NDE1: variants seen among roughly 807,000 people sequenced by gnomAD.
NDE1 encodes the protein nuclear distribution protein nudE homolog 1.
In NDE1, 28 loss-of-function variants were observed where a neutral mutation model predicts 43.4. The ratio of observed to expected loss-of-function variants is 0.65; its 90% CI spans 0.48 to 0.89. The LOEUF (loss-of-function observed/expected upper bound fraction) is 0.89. Ranked by LOEUF, NDE1 falls within the 40% of genes least tolerant of loss-of-function variation. NDE1 has a pLI of 0.00. For synonymous variants in NDE1, 184 were observed against 172.0 expected, an observed-to-expected ratio of 1.07 and a Z score of -0.55; for missense variants, 441 against 434.1, an observed-to-expected ratio of 1.02 and a Z score of -0.14.
rs779987698 is a variant in NDE1, at chr16:15,677,866, G to C, written c.303G>C (p.Ala101=). ...RQISALEDDL[A]QTKAIKDQLQ... ...TCTCAGCCTTGGAGGATGACCTCGC[G>C]CAGACCAAAGCCATTAAAGACCAAT... Residue 101 remains alanine, a synonymous_variant, in exon 4 of 9, where the codon GCG becomes GCC. Transcript: ENST00000396354. The C allele has an allele frequency of 1.2e-6, 2 of 1,614,060 alleles. No individual in the cohort carries two copies. The highest frequency in any genetic ancestry group is 3.3e-5 in the Admixed American group (2 of 59,968).
intron 1 of NDE1, among the ~76,000 whole-genome samples, chr16:15,664,203 C>T (rs2037187100): frequency 6.6e-6 from 1 of 151,958 alleles, no homozygotes; most frequent in Non-Finnish European, 1.5e-5. Flanking sequence ...TCCCTAGGTC[C>T]TTTAGTAGGT....
rs1296218754 is a variant in NDE1 at position 15,667,364 on chromosome 16, G to A, written c.162G>A (p.Leu54=). Residue 54 remains leucine, a synonymous_variant, in exon 3 of 9, where the codon CTG becomes CTA. Transcript: ENST00000396354. ...REYEAELETQ[L]QQIETRNRDL... ...ATGAAGCTGAATTGGAGACGCAGCT[G>A]CAACAAATTGAAACCAGGAACAGAG... The A allele has an allele frequency of 5.6e-6, 9 of 1,613,936 alleles. No homozygotes were observed. The African/African-American group carries it at 1.2e-4, about 22-fold the overall frequency.
chr16:15,691,254 G>A lies in NDE1; in HGVS notation c.634G>A (p.Val212Met), dbSNP rs765685571. ...TDTAVQATGS[V>M]PSTPIAHRGP... ...CACAGCTGTGCAGGCCACGGGCTCC[G>A]TGCCGTCCACGCCCATTGCTCACCG... The change falls in exon 6 of 9, where the codon GTG becomes ATG. Residue 212 changes from valine (V) to methionine (M), a missense_variant. By Grantham distance (21) the Val-to-Met change is conservative. Coordinates refer to ENST00000396354, the MANE Select transcript of NDE1 (RefSeq NM_017668.3). The A allele has an allele frequency of 8.7e-6, 14 of 1,614,192 alleles. No individual in the cohort carries two copies. The highest frequency in any genetic ancestry group is 1.6e-4 in the Middle Eastern group (1 of 6,062).
chr16:15,720,762 CACCA>C, intron 8 of NDE1: 2 of 1,481,542 alleles, frequency 1.3e-6, no homozygotes, highest in African/African-American at 2.8e-5. Context: ...GAAGTTTCCA[CACCA>C]ACCATGAGAG....
intron 3 of NDE1, among the ~76,000 whole-genome samples, chr16:15,673,485 G>A (rs991264397): frequency 1.3e-5 from 2 of 151,660 alleles, no homozygotes; most frequent in Non-Finnish European, 2.9e-5. Flanking sequence ...AACTACAGCC[G>A]TGCACCACTA....
chr16:15,704,082 C>G (rs1567668723), intron 8 of NDE1: 2 of 1,614,080 alleles, frequency 1.2e-6, no homozygotes, highest in South Asian at 1.1e-5. Flanking sequence ...TCTACGTCCT[C>G]CAGACCTTCT....
intron 4 of NDE1, among the ~76,000 whole-genome samples, chr16:15,681,177 A>G (rs911064450): frequency 7.0e-6 from 1 of 142,098 alleles, no homozygotes; most frequent in Admixed American, 7.4e-5. Context: ...TGTATCTAGT[A>G]TAAGATACAA....
At chr16:15,694,547 T>A (rs2038920484) in intron 7 of NDE1, 1 of 839,578 alleles carries the variant, frequency 1.2e-6, no homozygotes, top group South Asian at 5.5e-5. Context: ...TGGGTATCGC[T>A]GTGTTGCCCA....
intron 5 of NDE1, among the ~76,000 whole-genome samples, chr16:15,687,874 A>C (rs1596614081): frequency 6.6e-6 from 1 of 152,246 alleles, no homozygotes; most frequent in South Asian, 2.1e-4. Context: ...CCTGATGCTC[A>C]GTAGGAACAG....
chr16:15,724,820 G>T lies in NDE1; in HGVS notation c.*569G>T. 5.6e-6 allele frequency: 9 copies of T among 1,613,742 alleles called. No individual in the cohort carries two copies. The highest frequency in any genetic ancestry group is 7.6e-6 in the Non-Finnish European group (9 of 1,180,000). ...AGCTCCTGCAAAAGGGATGCAAAGAGGTCCCAGGGACCTGCCCCGAGGAAG... is the reference window on the plus strand; with the variant it reads ...AGCTCCTGCAAAAGGGATGCAAAGATGTCCCAGGGACCTGCCCCGAGGAAG... On this transcript the variant is annotated 3_prime_UTR_variant, in exon 9 of 9. Transcript: ENST00000396354.
intron 5 of NDE1, among the ~76,000 whole-genome samples, chr16:15,689,555 A>G (rs1010555409): frequency 3.9e-5 from 6 of 152,204 alleles, no homozygotes; most frequent in African/African-American, 1.4e-4. Context: ...ACACAGGACA[A>G]CATATTGTAT....
intron 5 of NDE1, among the ~76,000 whole-genome samples, chr16:15,690,353 C>CTT (rs869069843): frequency 0.053 from 4,274 of 81,126 alleles, 447 homozygotes; most frequent in Middle Eastern, 0.096. Flanking sequence ...TTTTTTTTTT[C>CTT]TTTTTTTTTT....
At chr16:15,678,932 C>T (rs1031550667) in intron 4 of NDE1, among the ~76,000 whole-genome samples, 5 of 151,772 alleles carry the variant, frequency 3.3e-5, no homozygotes, top group African/African-American at 7.3e-5. Context: ...AAAAATTAGC[C>T]GGGCGTGGTG....
Position 15,725,605 on chromosome 16 carries a change from G to T in NDE1, c.*1354G>T, listed in dbSNP as rs897889339. 2.5e-5 allele frequency: 10 copies of T among 405,360 alleles called. No homozygotes were observed. The highest frequency in any genetic ancestry group is 2.1e-4 in the African/African-American group (10 of 48,648). The allele number at this position is 405,360 out of a possible 1,614,324, so 25.1% of individuals were successfully genotyped here. A position where few individuals can be genotyped will look rare whatever the true frequency, so the allele number is the denominator to read the frequency against. ...CTCCATCTCTTCCATTGACAAGGAG[G>T]ATATGAATGATCTTGACACTGCTTA... On this transcript the variant is annotated 3_prime_UTR_variant, in exon 9 of 9. Transcript: ENST00000396354.
chr16:15,719,039 A>G, intron 8 of NDE1: 4 of 661,520 alleles, frequency 6.0e-6, no homozygotes, highest in Non-Finnish European at 8.2e-6. Context: ...GAGGCAGGAG[A>G]ATTGCTTGAA....
intron 4 of NDE1, among the ~76,000 whole-genome samples, chr16:15,682,686 T>G (rs1394227929): frequency 6.6e-6 from 1 of 152,150 alleles, no homozygotes; most frequent in African/African-American, 2.4e-5. Flanking sequence ...TCAAATAGAT[T>G]TAATCTAGTT....
chr16:15,649,127 C>CA (rs2036392628), upstream of NDE1, among the ~76,000 whole-genome samples: 1 of 152,136 alleles, frequency 6.6e-6, no homozygotes, highest in Non-Finnish European at 1.5e-5. Flanking sequence ...ACTCAGAAGG[C>CA]AGAGGTTGCA....
rs771128840 is a variant in NDE1, at chr16:15,683,015, A to AT, written c.387-4348dup. ...CTCTCACACCCAGTCCAACTTACAC[A>AT]TTTTTTTTTTTTAAAGAGATGGGGT... On this transcript the variant is annotated intron_variant, in intron 4 of 8. Coordinates refer to ENST00000396354, the MANE Select transcript of NDE1 (RefSeq NM_017668.3). Among the ~76,000 whole-genome samples the AT allele has an allele frequency of 7.8e-3, 1,125 of 143,788 alleles. 7 individuals carry two copies. The highest frequency in any genetic ancestry group is 0.011 in the Middle Eastern group (3 of 280). 94.3% of individuals were successfully genotyped at this position (143,788 alleles called of 152,430 possible).
At chr16:15,688,515 C>T (rs533553944) in intron 5 of NDE1, among the ~76,000 whole-genome samples, 2 of 151,038 alleles carry the variant, frequency 1.3e-5, no homozygotes, top group African/African-American at 2.4e-5. Flanking sequence ...TGCCTGCAAT[C>T]CCAGCTGCTC....
Sources: gnomAD v4.1 joint callset for allele counts (sites outside exome capture counted in the v4.1 genomes callset) on GRCh38, gnomAD v4.1.1 for gene constraint, MANE v1.5 for transcripts, NCBI Gene and HGNC (gene_info 2026-07-23, HGNC 2026-07-21) for gene names.